The following NAA35 variants were observed in gnomAD, a reference collection of about 807,000 sequenced individuals.
NAA35 encodes MAK10 homolog, amino-acid N-acetyltransferase subunit.
NAA35 carries 18 observed loss-of-function variants against 101.7 expected under a neutral mutation model. That is an observed-to-expected ratio of 0.18 (90% CI 0.12 to 0.26). The LOEUF is 0.26. Ranked by LOEUF, NAA35 falls within the 10% of genes least tolerant of loss-of-function variation. The probability of loss-of-function intolerance (pLI) is 1.00; values close to 1 mark genes in which losing one functional copy is unlikely to be tolerated. For missense variants in NAA35, 601 were observed against 886.8 expected (o/e 0.68, Z 4.09); for synonymous variants, 267 against 273.1 (o/e 0.98, Z 0.22).
chr9:85,981,883 T>C (rs1263221121), intron 11 of NAA35, among the ~76,000 whole-genome samples: 1 of 152,206 alleles, frequency 6.6e-6, no homozygotes, highest in Non-Finnish European at 1.5e-5. Flanking sequence ...TCTCTACTCA[T>C]TTTGCCTTCT....
At chr9:85,961,300 G>C (rs1442079628) in intron 5 of NAA35, among the ~76,000 whole-genome samples, 2 of 151,968 alleles carry the variant, frequency 1.3e-5, no homozygotes, top group Non-Finnish European at 2.9e-5. Flanking sequence ...TATAAACTTG[G>C]GCAAATGATT....
chr9:86,016,719 A>T, intron 18 of NAA35, 44 bp downstream of exon 18: 3 of 1,576,082 alleles, frequency 1.9e-6, no homozygotes, highest in South Asian at 1.1e-5. Context: ...GTGTACTTTA[A>T]TTTCTACAGA....
intron 17 of NAA35, 47 bp downstream of exon 17, chr9:86,013,944 A>G: frequency 7.4e-7 from 1 of 1,346,358 alleles, no homozygotes; most frequent in Non-Finnish European, 1.0e-6. Context: ...GCAATGGATA[A>G]GATCTGAGAA....
At chr9:85,963,824 C>T (rs1829627735) in intron 6 of NAA35, among the ~76,000 whole-genome samples, 1 of 152,158 alleles carries the variant, frequency 6.6e-6, no homozygotes, top group Non-Finnish European at 1.5e-5. Context: ...AGGTGATTAG[C>T]ACCCTTGAAA....
chr9:86,013,156 GT>G lies in NAA35; in HGVS notation c.1389+14del. 1 of 1,535,546 alleles carries G rather than the reference GT, an allele frequency of 6.5e-7. No individual in the cohort carries two copies. On this transcript the variant is annotated intron_variant, in intron 16 of 22. Coordinates refer to ENST00000361671, the MANE Select transcript of NAA35 (RefSeq NM_024635.4). ...CCTTGCAGGATGAGGTAAGAGCCAG[GT>G]TCCCCTCTCTTCTAAAATTAAATGA...
At chr9:85,959,742 A>AT (rs1829431579) in intron 4 of NAA35, 51 bp from the exon 5 acceptor site, 1 of 1,331,704 alleles carries the variant, frequency 7.5e-7, no homozygotes, top group South Asian at 1.2e-5. Context: ...CATAGTAACC[A>AT]TAAGTTTAAA....
chr9:85,975,221 C>A, intron 8 of NAA35, 64 bp downstream of exon 8: 1 of 1,521,502 alleles, frequency 6.6e-7, no homozygotes, highest in South Asian at 1.2e-5. Context: ...TTAACTTTAC[C>A]TAATTAAAAA....
intron 5 of NAA35, among the ~76,000 whole-genome samples, chr9:85,961,266 T>C (rs111769375): frequency 6.2e-4 from 95 of 152,342 alleles, no homozygotes; most frequent in African/African-American, 2.1e-3. Context: ...ACTGCAGAAT[T>C]CTTGGGCTTA....
chr9:85,974,117 T>C (rs932850716), intron 6 of NAA35, among the ~76,000 whole-genome samples: 5 of 151,958 alleles, frequency 3.3e-5, no homozygotes, highest in Non-Finnish European at 5.9e-5. Context: ...CCACCATGCC[T>C]GGCTAATTTT....
intron 2 of NAA35, 104 bp downstream of exon 2, chr9:85,942,387 GT>G: frequency 6.9e-7 from 1 of 1,444,332 alleles, no homozygotes; most frequent in African/African-American, 1.4e-5. Flanking sequence ...GGTAAATGTG[GT>G]TTGTTGAGTT....
intron 1 of NAA35, chr9:85,941,816 G>T: frequency 9.8e-7 from 1 of 1,023,884 alleles, no homozygotes; most frequent in Non-Finnish European, 1.2e-6. Context: ...TAGTGCCTTG[G>T]TCTTTTGTGG....
intron 5 of NAA35, 130 bp from the exon 6 acceptor site, chr9:85,961,883 C>CTT: frequency 1.5e-5 from 8 of 551,090 alleles, no homozygotes; most frequent in African/African-American, 4.0e-5. Flanking sequence ...TCTAACGTGT[C>CTT]TTTTTTTTTT....
chr9:85,961,816 G>T (rs10868356), intron 5 of NAA35, among the ~76,000 whole-genome samples, 197 bp from the exon 6 acceptor site: 50,606 of 151,912 alleles, frequency 0.33, 11,609 homozygotes, highest in African/African-American at 0.66. Flanking sequence ...CAAACTGATT[G>T]ATGTACGACA....
At chr9:85,979,718 G>A (rs540063770) in intron 11 of NAA35, among the ~76,000 whole-genome samples, 2 of 152,280 alleles carry the variant, frequency 1.3e-5, no homozygotes, top group East Asian at 3.9e-4. Context: ...ATTTCACTCT[G>A]TATTTTTCCT....
rs940303654 is a variant in NAA35, at chr9:85,941,207, G to T, written c.-72G>T. The T allele has an allele frequency of 1.0e-6, 1 of 986,844 alleles. No homozygotes were observed. Among genetic ancestry groups the T allele is most frequent in the African/African-American group, 1.7e-5 (1 of 57,372 alleles). The allele number at this position is 986,844 out of a possible 1,614,324, so 61.1% of individuals were successfully genotyped here. A position where few individuals can be genotyped will look rare whatever the true frequency, so the allele number is the denominator to read the frequency against. On this transcript the variant is annotated 5_prime_UTR_variant, in exon 1 of 23. Coordinates refer to ENST00000361671, the MANE Select transcript of NAA35 (RefSeq NM_024635.4). ...GAGAGGGGAGGGGGCGGCGGCGGCC[G>T]AGGCGGCGTCGTTATTTCCGTGGTC...
Position 86,024,824 on chromosome 9 carries a change from G to A in NAA35, c.*2864G>A, listed in dbSNP as rs540123110. ...CAGGTAGTTTGGTCTCAAACTGGGA[G>A]GTGCCATCTGGGGTGGAGATGAACT... On this transcript the variant is annotated 3_prime_UTR_variant, in exon 23 of 23. Coordinates refer to ENST00000361671, the MANE Select transcript of NAA35 (RefSeq NM_024635.4). 6.6e-6 allele frequency among the ~76,000 whole-genome samples: 1 copy of A among 152,240 alleles called. No individual in the cohort carries two copies. The highest frequency in any genetic ancestry group is 2.1e-4 in the South Asian group (1 of 4,814).
intron 14 of NAA35, among the ~76,000 whole-genome samples, 156 bp downstream of exon 14, chr9:86,007,620 T>C (rs764086581): frequency 6.6e-5 from 10 of 152,208 alleles, no homozygotes; most frequent in Non-Finnish European, 1.2e-4. Flanking sequence ...CTCTGCCACA[T>C]TGTTTAGATT....
At chr9:85,985,195 A>G (rs749762244) in intron 11 of NAA35, among the ~76,000 whole-genome samples, 3 of 152,334 alleles carry the variant, frequency 2.0e-5, no homozygotes, top group Non-Finnish European at 2.9e-5. Context: ...TACAGTACTG[A>G]TTGGAATATA....
At chr9:85,966,613 A>G in intron 6 of NAA35, 8 of 1,297,464 alleles carry the variant, frequency 6.2e-6, no homozygotes, top group Non-Finnish European at 8.1e-6. Context: ...GGCTCCTAGA[A>G]CTGATTGATT....
Sources: allele counts gnomAD v4.1 joint callset (sites outside exome capture counted in the v4.1 genomes callset), GRCh38; gene constraint gnomAD v4.1.1; transcripts MANE v1.5; gene names NCBI Gene and HGNC (gene_info 2026-07-23, HGNC 2026-07-21).